The following TSLP variants were observed in gnomAD, a reference collection of about 807,000 sequenced individuals.
TSLP encodes the protein thymic stromal lymphopoietin.
Under a neutral mutation model 12.4 loss-of-function variants are expected in TSLP, and 12 were observed. The ratio of observed to expected loss-of-function variants is 0.97; its 90% CI spans 0.62 to 1.57. The LOEUF is 1.57. Among genes scored for constraint, TSLP ranks in the 40% most tolerant of loss-of-function variants. TSLP has a pLI of 0.00. For missense variants in TSLP, 222 were observed against 189.6 expected, an observed-to-expected ratio of 1.17 and a Z score of -1.00; for synonymous variants, 97 against 69.5, an observed-to-expected ratio of 1.40 and a Z score of -1.97.
chr5:111,071,586 TC>T, upstream of TSLP: 2 of 1,490,862 alleles, frequency 1.3e-6, no homozygotes, highest in Non-Finnish European at 1.8e-6. Flanking sequence ...TTTTTTTTTT[TC>T]CTTTCACATC....
intron 2 of TSLP, chr5:111,073,205 G>A (rs1377541414): frequency 3.5e-6 from 4 of 1,141,602 alleles, no homozygotes; most frequent in Admixed American, 3.2e-5. Context: ...CACCTGCTGG[G>A]GTCCGGCGCC....
chr5:111,070,792 C>T (rs774956879), upstream of TSLP: 2 of 152,292 alleles, frequency 1.3e-5, no homozygotes, highest in Non-Finnish European at 2.9e-5. Context: ...CTACGCTGCG[C>T]GGGGCTAAGC....
upstream of TSLP, chr5:111,070,390 A>C (rs1269308793): frequency 7.0e-6 from 1 of 143,692 alleles, no homozygotes; most frequent in African/African-American, 2.6e-5. Flanking sequence ...AGAGCGATGC[A>C]GGCTCCGACA....
rs1384851867 is a variant in TSLP at position 111,077,337 on chromosome 5, A to G, written c.*1263A>G. On this transcript the variant is annotated 3_prime_UTR_variant, in exon 4 of 4. Coordinates refer to ENST00000344895, the MANE Select transcript of TSLP (RefSeq NM_033035.5). ...TGCCAACAGGTAAGAGGAAGCTTAC[A>G]TTACATGTCCAGTCCACATTTAAAG... is the stretch of plus-strand genomic sequence containing the variant. 6.6e-6 allele frequency: 1 copy of G among 152,234 alleles called. No homozygotes were observed. The highest frequency in any genetic ancestry group is 2.1e-4 in the South Asian group (1 of 4,830). 9.4% of individuals were successfully genotyped at this position (152,234 alleles called of 1,614,324 possible).
rs1329439530 is a variant in TSLP at position 111,076,626 on chromosome 5, A to G, written c.*552A>G. 1 of 153,642 alleles carries G rather than the reference A, an allele frequency of 6.5e-6. No homozygotes were observed. Among genetic ancestry groups the G allele is most frequent in the African/African-American group, 2.4e-5 (1 of 41,472 alleles). The allele number at this position is 153,642 out of a possible 1,614,324, so 9.5% of individuals were successfully genotyped here. On this transcript the variant is annotated 3_prime_UTR_variant, in exon 4 of 4. Coordinates refer to ENST00000344895, the MANE Select transcript of TSLP (RefSeq NM_033035.5). The stretch of plus-strand genomic sequence containing the variant: ...TTTTAAATATTATCTAACAGACAAG[A>G]GTGGTATATACAAGTAGATCCTGAG...
chr5:111,072,846 T>G, intron 1 of TSLP, 42 bp from the exon 2 acceptor site: 1 of 1,607,310 alleles, frequency 6.2e-7, no homozygotes, highest in Non-Finnish European at 8.5e-7. Context: ...CTTGTGGACT[T>G]AAAAGTCTTT....
upstream of TSLP, chr5:111,071,712 C>CTCCCTG: frequency 8.3e-7 from 1 of 1,199,014 alleles, no homozygotes; most frequent in Non-Finnish European, 1.2e-6. Flanking sequence ...AGCTCTGGAG[C>CTCCCTG]ATCAGGGAGA....
Position 111,077,148 on chromosome 5 carries a change from C to T in TSLP, c.*1074C>T, listed in dbSNP as rs919347978. The T allele has an allele frequency of 5.9e-5, 9 of 152,230 alleles. No homozygotes were observed. The highest frequency in any genetic ancestry group is 2.2e-4 in the African/African-American group (9 of 41,454). The allele number at this position is 152,230 out of a possible 1,614,324, so 9.4% of individuals were successfully genotyped here. ...CAGGCACCCTCTCACTCAATTTCCA[C>T]TCAGAACCCTATAAACACCAGTGGG... On this transcript the variant is annotated 3_prime_UTR_variant, in exon 4 of 4. Transcript: ENST00000344895.
chr5:111,075,943 C>T lies in TSLP; in HGVS notation c.352-3C>T, dbSNP rs777070141. ...TTTGACTATTGATTCTTATATTCTG[C>T]AGATAAATGCTACTCAGGCAATGAA... On this transcript the variant is annotated splice_polypyrimidine_tract_variant and splice_region_variant and intron_variant, in intron 3 of 3. Coordinates refer to ENST00000344895, the MANE Select transcript of TSLP (RefSeq NM_033035.5). 5 of 1,611,528 alleles carry T rather than the reference C, an allele frequency of 3.1e-6. No individual in the cohort carries two copies. The East Asian group carries it at 1.1e-4, about 36-fold the overall frequency.
intron 1 of TSLP, 98 bp downstream of exon 1, chr5:111,072,159 T>C: frequency 9.3e-7 from 1 of 1,077,302 alleles, no homozygotes; most frequent in Non-Finnish European, 1.3e-6. Context: ...AAAAATAATT[T>C]AGAAAAAATC....
upstream of TSLP, chr5:111,071,374 A>G: frequency 3.5e-6 from 5 of 1,418,872 alleles, no homozygotes; most frequent in South Asian, 7.5e-5. Flanking sequence ...AAATCCTTAC[A>G]GTGGCTGCTG....
intron 3 of TSLP, among the ~76,000 whole-genome samples, chr5:111,074,243 T>G (rs977062870): frequency 1.3e-5 from 2 of 152,174 alleles, no homozygotes; most frequent in African/African-American, 4.8e-5. Flanking sequence ...AATATGGAGA[T>G]AGTGTAGTGG....
At chr5:111,071,666 C>T, upstream of TSLP, 1 of 1,364,586 alleles carries the variant, frequency 7.3e-7, no homozygotes, top group Non-Finnish European at 9.8e-7. Flanking sequence ...AGAAAAGAGC[C>T]CGTAGGCGTT....
At chr5:111,072,121 C>A in intron 1 of TSLP, 60 bp downstream of exon 1, 1 of 1,393,488 alleles carries the variant, frequency 7.2e-7, no homozygotes, top group Non-Finnish European at 9.8e-7. Flanking sequence ...GGCATACACA[C>A]ACTCTACAAT....
intron 3 of TSLP, among the ~76,000 whole-genome samples, chr5:111,073,884 A>G (rs574318994): frequency 2.2e-4 from 33 of 152,300 alleles, no homozygotes; most frequent in African/African-American, 7.9e-4. Context: ...CCTTAGGGCA[A>G]TGTTTCAAGC....
upstream of TSLP, chr5:111,071,562 G>A: frequency 2.0e-6 from 3 of 1,519,826 alleles, no homozygotes; most frequent in South Asian, 3.9e-5. Flanking sequence ...AAATTCCATA[G>A]ATTTAGCTAC....
intron 1 of TSLP, among the ~76,000 whole-genome samples, chr5:111,072,304 C>T (rs1898671): frequency 0.25 from 37,928 of 152,004 alleles, 5,725 homozygotes; most frequent in Non-Finnish European, 0.34. Context: ...GCGCGTTATG[C>T]GTCAAAGGAT....
intron 1 of TSLP, among the ~76,000 whole-genome samples, chr5:111,072,527 A>G (rs546505395): frequency 1.3e-5 from 2 of 152,260 alleles, no homozygotes; most frequent in Admixed American, 1.3e-4. Context: ...AGTAGTAATC[A>G]TTTTCCTGAT....
At chr5:111,074,535 A>G (rs1319835659) in intron 3 of TSLP, among the ~76,000 whole-genome samples, 1 of 152,126 alleles carries the variant, frequency 6.6e-6, no homozygotes. Context: ...TTTAAGGAAC[A>G]GAGAGAGACA....
Sources: gnomAD v4.1 joint callset for allele counts (sites outside exome capture counted in the v4.1 genomes callset) on GRCh38, gnomAD v4.1.1 for gene constraint, MANE v1.5 for transcripts, NCBI Gene and HGNC (gene_info 2026-07-23, HGNC 2026-07-21) for gene names.